The following PKP4 variants were observed in gnomAD, a reference collection of about 807,000 sequenced individuals.
The protein encoded by PKP4 is plakophilin-4.
A neutral mutation model predicts 145.1 loss-of-function variants in PKP4; 90 were observed. That is an observed-to-expected ratio of 0.62 (90% CI 0.52 to 0.74). The LOEUF (loss-of-function observed/expected upper bound fraction) is 0.74, where lower values mean the gene tolerates loss of function less well. Ranked by LOEUF, PKP4 falls within the 30% of genes least tolerant of loss-of-function variation. The pLI is 0.00. For synonymous variants in PKP4, 563 were observed against 577.2 expected, an observed-to-expected ratio of 0.98 and a Z score of 0.35; for missense variants, 1,340 against 1,482.7, an observed-to-expected ratio of 0.90 and a Z score of 1.58.
At chr2:158,674,985 TG>T (rs1392080736) in intron 19 of PKP4, among the ~76,000 whole-genome samples, 1 of 152,220 alleles carries the variant, frequency 6.6e-6, no homozygotes, top group East Asian at 1.9e-4. Flanking sequence ...TTGTTGTGTA[TG>T]GTATATATCT....
At chr2:158,552,974 G>A (rs1193890629) in intron 2 of PKP4, among the ~76,000 whole-genome samples, 2 of 152,138 alleles carry the variant, frequency 1.3e-5, no homozygotes, top group East Asian at 3.8e-4. Context: ...GAGTAATGAA[G>A]CGAAGTGCAG....
intron 1 of PKP4, among the ~76,000 whole-genome samples, chr2:158,481,370 G>C (rs897636097): frequency 6.6e-6 from 1 of 152,092 alleles, no homozygotes; most frequent in Non-Finnish European, 1.5e-5. Context: ...ACATTTTTGT[G>C]TGAACATATG....
At chr2:158,662,303 C>G (rs1264852652) in intron 13 of PKP4, 1 of 152,204 alleles carries the variant, frequency 6.6e-6, no homozygotes, top group Non-Finnish European at 1.5e-5. Context: ...GGGAAGCTTG[C>G]TAGATAGACA....
intron 4 of PKP4, among the ~76,000 whole-genome samples, chr2:158,616,988 C>A (rs983095481): frequency 2.0e-5 from 3 of 152,176 alleles, no homozygotes; most frequent in African/African-American, 7.2e-5. Context: ...TGTATTCCAT[C>A]TTTTACCATG....
At chr2:158,645,307 T>C (rs141374452) in intron 11 of PKP4, among the ~76,000 whole-genome samples, 151 of 152,298 alleles carry the variant, frequency 9.9e-4, no homozygotes, top group African/African-American at 3.6e-3. Flanking sequence ...AAATGAAAAT[T>C]AGAGCAAGCT....
In PKP4 at chr2:158,482,786, T is replaced by C. The variant is rs1013708785; in HGVS notation, c.-6+25568T>C. On this transcript the variant is annotated intron_variant, in intron 1 of 21. Coordinates refer to ENST00000389759, the MANE Select transcript of PKP4 (RefSeq NM_003628.6). ...GGGAGGTTGAGGCTGCAGTGAGTCA[T>C]GATCATGCCACTTCTCTCCAGAAAG... Among the ~76,000 whole-genome samples, 15 of 150,300 alleles carry C rather than the reference T, an allele frequency of 1.0e-4. No individual in the cohort carries two copies. In the East Asian group the frequency reaches 2.7e-3, roughly 27 times the overall value.
intron 2 of PKP4, among the ~76,000 whole-genome samples, chr2:158,573,385 G>A (rs1483538871): frequency 6.6e-6 from 1 of 152,122 alleles, no homozygotes; most frequent in Non-Finnish European, 1.5e-5. Context: ...ACCAAATTTA[G>A]GGTAATGATT....
intron 3 of PKP4, chr2:158,588,132 A>G (rs2048960290): frequency 6.6e-6 from 1 of 152,146 alleles, no homozygotes; most frequent in African/African-American, 2.4e-5. Context: ...TTTTGAACAT[A>G]TATCCTGGTT....
chr2:158,593,526 A>T (rs183764165), intron 3 of PKP4, among the ~76,000 whole-genome samples: 9 of 151,870 alleles, frequency 5.9e-5, no homozygotes, highest in African/African-American at 9.7e-5. Context: ...TGGTCTTCTG[A>T]CTCTTTTATT....
chr2:158,651,431 T>C (rs2055353021), intron 11 of PKP4, among the ~76,000 whole-genome samples: 1 of 78,056 alleles, frequency 1.3e-5, no homozygotes, highest in African/African-American at 3.2e-5. Context: ...TCCTAGCCCA[T>C]TGGCCTCACC....
intron 1 of PKP4, among the ~76,000 whole-genome samples, chr2:158,530,979 CG>C (rs1022498620): frequency 1.1e-4 from 16 of 152,122 alleles, no homozygotes; most frequent in Non-Finnish European, 2.2e-4. Context: ...TACATCTTGC[CG>C]TACTCTGCCT....
chr2:158,466,790 G>A (rs73966674), intron 1 of PKP4, among the ~76,000 whole-genome samples: 4,652 of 152,250 alleles, frequency 0.031, 155 homozygotes, highest in East Asian at 0.14. Context: ...ATAGTGAGAT[G>A]AGTTTTCATA....
intron 11 of PKP4, among the ~76,000 whole-genome samples, chr2:158,644,925 AAAC>A (rs546924868): frequency 5.4e-4 from 82 of 152,262 alleles, no homozygotes; most frequent in African/African-American, 1.7e-3. Context: ...TAAAATTTTA[AAAC>A]AACATTTCTT....
At position 158,545,256 on chromosome 2, in the gene PKP4, G is replaced by A. The variant is rs187790058; in HGVS notation, c.132+11940G>A. ...CTCTGTACTCCCTTCTTTGACAAAG[G>A]TTTCCTTTTCCTGTTCCCTTAGCTT... On this transcript the variant is annotated intron_variant, in intron 2 of 21. Coordinates refer to ENST00000389759, the MANE Select transcript of PKP4 (RefSeq NM_003628.6). 9.9e-5 allele frequency among the ~76,000 whole-genome samples: 15 copies of A among 151,914 alleles called. No homozygotes were observed. In the East Asian group the frequency reaches 2.9e-3, roughly 29 times the overall value.
At chr2:158,654,343 CA>C (rs1452938026) in intron 11 of PKP4, among the ~76,000 whole-genome samples, 1 of 152,014 alleles carries the variant, frequency 6.6e-6, no homozygotes. Flanking sequence ...TAACTGTAAA[CA>C]TTTTTTTTTG....
rs1362123057 is a variant in PKP4, at chr2:158,673,879, G to T, written c.3010-4G>T. The T allele has an allele frequency of 1.9e-6, 3 of 1,587,986 alleles. No homozygotes were observed. Among genetic ancestry groups the T allele is most frequent in the African/African-American group, 1.3e-5 (1 of 74,538 alleles). On this transcript the variant is annotated splice_polypyrimidine_tract_variant and splice_region_variant and intron_variant, in intron 18 of 21. Transcript: ENST00000389759. ...AGAGGTTTCTTTTTCTCTTAACTCT[G>T]CAGGATGGGTGGAATCAGAACCATT...
intron 2 of PKP4, among the ~76,000 whole-genome samples, chr2:158,568,194 T>C (rs1387502578): frequency 1.3e-5 from 2 of 152,070 alleles, no homozygotes; most frequent in Admixed American, 1.3e-4. Flanking sequence ...AATATATAGC[T>C]GGGTGTGGTG....
chr2:158,640,076 C>T (rs2054145624), intron 9 of PKP4, among the ~76,000 whole-genome samples: 2 of 152,116 alleles, frequency 1.3e-5, no homozygotes, highest in South Asian at 2.1e-4. Context: ...AGCAGTAATC[C>T]TGAATATAGG....
chr2:158,596,737 G>C (rs2049785878), intron 3 of PKP4, among the ~76,000 whole-genome samples: 1 of 152,144 alleles, frequency 6.6e-6, no homozygotes, highest in Non-Finnish European at 1.5e-5. Context: ...AGCCATTAAA[G>C]AGATCATCTG....
Sources: gnomAD v4.1 joint callset for allele counts (sites outside exome capture counted in the v4.1 genomes callset) on GRCh38, gnomAD v4.1.1 for gene constraint, MANE v1.5 for transcripts, NCBI Gene and HGNC (gene_info 2026-07-23, HGNC 2026-07-21) for gene names.